Variants in THSD7B observed in about 807,000 individuals in gnomAD.
The protein encoded by THSD7B is thrombospondin type-1 domain-containing protein 7B.
A neutral mutation model predicts 213.6 loss-of-function variants in THSD7B; 138 were observed. The ratio of observed to expected loss-of-function variants is 0.65; its 90% CI spans 0.56 to 0.74. The LOEUF (loss-of-function observed/expected upper bound fraction) is 0.74, where lower values mean the gene tolerates loss of function less well. THSD7B is among the 30% of genes least tolerant of loss of function. THSD7B has a pLI of 0.00. For missense variants in THSD7B, 1,931 were observed against 1,991.5 expected, an observed-to-expected ratio of 0.97 and a Z score of 0.58; for synonymous variants, 742 against 687.0, an observed-to-expected ratio of 1.08 and a Z score of -1.25.
chr2:137,635,185 G>C lies in THSD7B; in HGVS notation c.3800-7303G>C, dbSNP rs371585480. 6.6e-5 allele frequency among the ~76,000 whole-genome samples: 10 copies of C among 152,254 alleles called. No homozygotes were observed. The East Asian group carries it at 9.6e-4, about 15-fold the overall frequency. ...TTTTCCATTGGAAACATATTTTATA[G>C]GGAGTGTCTTTCTCTGTTTTGTAAG... On this transcript the variant is annotated intron_variant, in intron 20 of 27. Transcript: ENST00000409968.
intron 1 of THSD7B, among the ~76,000 whole-genome samples, chr2:136,876,185 A>C (rs938034068): frequency 6.6e-6 from 1 of 152,228 alleles, no homozygotes; most frequent in African/African-American, 2.4e-5. Flanking sequence ...CTTAGGAACA[A>C]CCGCTGCCAA....
intron 5 of THSD7B, among the ~76,000 whole-genome samples, chr2:137,147,902 A>G (rs1371865063): frequency 1.1e-4 from 16 of 151,916 alleles, no homozygotes. Context: ...CAAATTCTTG[A>G]TCATTTGCCT....
chr2:137,070,551 A>T (rs1000720903), intron 3 of THSD7B, among the ~76,000 whole-genome samples: 10 of 149,172 alleles, frequency 6.7e-5, no homozygotes, highest in African/African-American at 2.5e-4. Context: ...AAAATTTTTT[A>T]TTTTTTTTTT....
chr2:137,414,549 C>A (rs1573612254), intron 14 of THSD7B, among the ~76,000 whole-genome samples: 1 of 151,072 alleles, frequency 6.6e-6, no homozygotes, highest in East Asian at 2.0e-4. Context: ...GGAGGACTTG[C>A]CTCTAGAAAA....
intron 1 of THSD7B, among the ~76,000 whole-genome samples, chr2:136,868,455 C>T (rs927804112): frequency 6.6e-6 from 1 of 152,152 alleles, no homozygotes; most frequent in East Asian, 1.9e-4. Flanking sequence ...GGCTTATAAA[C>T]TTATTATTTT....
chr2:137,464,168 C>G (rs1238674250), intron 15 of THSD7B, among the ~76,000 whole-genome samples: 1 of 152,004 alleles, frequency 6.6e-6, no homozygotes, highest in East Asian at 1.9e-4. Flanking sequence ...GGTTGGGTCT[C>G]TCACATTACA....
intron 27 of THSD7B, among the ~76,000 whole-genome samples, chr2:137,669,793 A>T (rs893058455): frequency 6.6e-6 from 1 of 152,226 alleles, no homozygotes; most frequent in Non-Finnish European, 1.5e-5. Flanking sequence ...AAGATTAAAA[A>T]TTTACGTGTA....
chr2:137,500,561 G>GT (rs984813431), intron 15 of THSD7B, among the ~76,000 whole-genome samples: 4 of 152,126 alleles, frequency 2.6e-5, no homozygotes, highest in Non-Finnish European at 5.9e-5. Context: ...CTTTCCAGCC[G>GT]TATCACTTAC....
chr2:136,887,128 T>A lies in THSD7B; in HGVS notation c.139+4811T>A, dbSNP rs779961062. Among the ~76,000 whole-genome samples, 19 of 152,196 alleles carry A rather than the reference T, an allele frequency of 1.2e-4. 1 individual carries two copies. Among genetic ancestry groups the A allele is most frequent in the Admixed American group, 9.8e-4 (15 of 15,266 alleles). On this transcript the variant is annotated intron_variant, in intron 2 of 27. Coordinates refer to ENST00000409968, the MANE Select transcript of THSD7B (RefSeq NM_001316349.2). ...TTACCATTTTAACCACTTCAAAGTA[T>A]ACAATTCAGTGATATTAGTACATCA... is the stretch of plus-strand genomic sequence containing the variant.
intron 2 of THSD7B, among the ~76,000 whole-genome samples, chr2:136,998,744 T>C (rs77132487): frequency 0.018 from 2,676 of 152,220 alleles, 100 homozygotes; most frequent in African/African-American, 0.061. Context: ...TTCTGGAGGA[T>C]AGGAACTTCA....
At chr2:137,082,512 TAAC>T (rs1293687914) in intron 3 of THSD7B, among the ~76,000 whole-genome samples, 1 of 152,098 alleles carries the variant, frequency 6.6e-6, no homozygotes, top group Non-Finnish European at 1.5e-5. Flanking sequence ...TTTGAATCTA[TAAC>T]AACAAGAGCT....
chr2:137,603,833 A>G (rs7582821), intron 17 of THSD7B, among the ~76,000 whole-genome samples: 34,430 of 152,122 alleles, frequency 0.23, 4,569 homozygotes, highest in African/African-American at 0.36. Flanking sequence ...AAACATGGCC[A>G]GGCACGGTGG....
intron 24 of THSD7B, among the ~76,000 whole-genome samples, chr2:137,659,337 G>A (rs1249577376): frequency 2.0e-5 from 3 of 152,126 alleles, no homozygotes; most frequent in Non-Finnish European, 4.4e-5. Flanking sequence ...TTCTGCTCCT[G>A]AGTTTAAATT....
chr2:137,312,338 G>T (rs1396232148), intron 12 of THSD7B, among the ~76,000 whole-genome samples: 1 of 151,608 alleles, frequency 6.6e-6, no homozygotes, highest in Non-Finnish European at 1.5e-5. Context: ...TGTTTCTGTG[G>T]GATCGGTGGT....
intron 2 of THSD7B, among the ~76,000 whole-genome samples, chr2:136,937,077 C>T (rs868853758): frequency 7.2e-5 from 11 of 152,032 alleles, no homozygotes; most frequent in Admixed American, 3.9e-4. Context: ...TTTTCAGCAC[C>T]GTAACAAGAA....
At chr2:136,860,831 GTCATTACA>G (rs1386227513) in intron 1 of THSD7B, among the ~76,000 whole-genome samples, 1 of 152,192 alleles carries the variant, frequency 6.6e-6, no homozygotes, top group Non-Finnish European at 1.5e-5. Context: ...AAAAGCCAAA[GTCATTACA>G]GTGGACTGTA....
At chr2:137,426,318 GA>G (rs201976849) in intron 14 of THSD7B, among the ~76,000 whole-genome samples, 171 of 147,806 alleles carry the variant, frequency 1.2e-3, no homozygotes, top group East Asian at 3.0e-3. Context: ...CACAAAAATA[GA>G]AAAAAAAAAT....
intron 14 of THSD7B, among the ~76,000 whole-genome samples, chr2:137,437,581 AAC>A (rs1449992311): frequency 6.6e-6 from 1 of 152,200 alleles, no homozygotes; most frequent in Non-Finnish European, 1.5e-5. Flanking sequence ...ACATGAAAGC[AAC>A]AGATTACAGA....
chr2:137,254,186 A>G (rs1270693387), intron 10 of THSD7B, among the ~76,000 whole-genome samples: 1 of 152,228 alleles, frequency 6.6e-6, no homozygotes, highest in Non-Finnish European at 1.5e-5. Context: ...TGGTTCAGAT[A>G]GAATATTTCT....
Sources: allele counts gnomAD v4.1 joint callset (sites outside exome capture counted in the v4.1 genomes callset), GRCh38; gene constraint gnomAD v4.1.1; transcripts MANE v1.5; gene names NCBI Gene and HGNC (gene_info 2026-07-23, HGNC 2026-07-21).